Variants in UVSSA observed in about 807,000 individuals in gnomAD.
The protein encoded by UVSSA is UV-stimulated scaffold protein A.
A neutral mutation model predicts 73.9 loss-of-function variants in UVSSA; 72 were observed. The observed-to-expected ratio is 0.97, with a 90% CI of 0.81 to 1.19. UVSSA has a LOEUF of 1.19. Among genes scored for constraint, UVSSA ranks in the 50% most tolerant of loss-of-function variants. UVSSA has a pLI of 0.00. For synonymous variants in UVSSA, 454 were observed against 391.3 expected, an observed-to-expected ratio of 1.16 and a Z score of -1.89; for missense variants, 1,150 against 965.0, an observed-to-expected ratio of 1.19 and a Z score of -2.54.
chr4:1,377,668 C>T (rs1183783080), intron 10 of UVSSA, among the ~76,000 whole-genome samples: 1 of 151,976 alleles, frequency 6.6e-6, no homozygotes, highest in East Asian at 1.9e-4. Flanking sequence ...AGCCCCCAGG[C>T]AGTTGGGCTG....
In UVSSA at chr4:1,385,952, A is replaced by C. The variant is rs145552493; in HGVS notation, c.2121A>C (p.Ala707=). 1.1e-4 allele frequency: 177 copies of C among 1,613,904 alleles called. No individual in the cohort carries two copies. Among genetic ancestry groups the C allele is most frequent in the Admixed American group, 4.2e-4 (25 of 60,008 alleles). Residue 707 remains alanine (A), a synonymous_variant, in exon 14 of 14, where the codon GCA becomes GCC. Transcript: ENST00000389851. ...AGTTTTCAAACCAGTTTAACTACGC[A>C]CTGAACTAGAGAGCGGGGCCCAGTG... is the stretch of plus-strand genomic sequence containing the variant. ...HEKFSNQFNY[A]LN
At chr4:1,355,373 C>T (rs1715561516) in intron 7 of UVSSA, 128 bp downstream of exon 7, 2 of 917,290 alleles carry the variant, frequency 2.2e-6, no homozygotes, top group Non-Finnish European at 1.6e-6. Flanking sequence ...CCCACTCAGC[C>T]TCAGCAGGAC....
chr4:1,391,279 A>T (rs1413630193), downstream of UVSSA: 1 of 151,374 alleles, frequency 6.6e-6, no homozygotes, highest in Non-Finnish European at 1.5e-5. Flanking sequence ...GTTGGTTTGT[A>T]GTGTTGTATA....
At position 1,386,111 on chromosome 4, in the gene UVSSA, T is replaced by C; in HGVS notation, c.*150T>C. The stretch of plus-strand genomic sequence containing the variant: ...ATGGTGTGTTGCAATGCCCTGAAGG[T>C]ACGGCCGCTCTGCTGCTACAGGGTT... On this transcript the variant is annotated 3_prime_UTR_variant, in exon 14 of 14. Transcript: ENST00000389851. 1.2e-6 allele frequency: 1 copy of C among 823,296 alleles called. No homozygotes were observed. The highest frequency in any genetic ancestry group is 1.7e-5 in the South Asian group (1 of 60,562). The allele number at this position is 823,296 out of a possible 1,614,324, so 51.0% of individuals were successfully genotyped here.
chr4:1,372,047 A>G (rs541440917), intron 8 of UVSSA, among the ~76,000 whole-genome samples: 4 of 152,280 alleles, frequency 2.6e-5, no homozygotes, highest in African/African-American at 7.2e-5. Flanking sequence ...CTTGTTTATT[A>G]CACCTTCAAG....
At chr4:1,390,912 T>G (rs11726611), downstream of UVSSA, 16,946 of 150,204 alleles carry the variant, frequency 0.11, 1,125 homozygotes, top group African/African-American at 0.17. Flanking sequence ...AGATGCCTGT[T>G]GGGTCTGATT....
At chr4:1,354,263 A>G (rs377396622) in intron 5 of UVSSA, among the ~76,000 whole-genome samples, 1 of 151,658 alleles carries the variant, frequency 6.6e-6, no homozygotes, top group South Asian at 2.1e-4. Context: ...TGCGCCGGAC[A>G]CTGAGGGTGC....
At chr4:1,364,204 C>T (rs1234449922) in intron 7 of UVSSA, among the ~76,000 whole-genome samples, 1 of 47,338 alleles carries the variant, frequency 2.1e-5, no homozygotes, top group East Asian at 4.8e-4. Flanking sequence ...TGGGGGCCAC[C>T]TCCCGGCAGG....
intron 7 of UVSSA, chr4:1,366,047 G>A (rs1027444301): frequency 4.1e-5 from 11 of 269,742 alleles, no homozygotes; most frequent in Non-Finnish European, 7.7e-5. Context: ...CTCCCACAGG[G>A]ACCTGGGGAG....
exon 14 of UVSSA, chr4:1,394,714 C>T: frequency 2.5e-6 from 4 of 1,599,670 alleles, no homozygotes; most frequent in Non-Finnish European, 3.4e-6. Context: ...CCTGCTCACA[C>T]ACGTGTCCAT....
At position 1,349,833 on chromosome 4, in the gene UVSSA, C is replaced by T. The variant is rs372688958; in HGVS notation, c.408C>T (p.His136=). Residue 136 remains histidine (H), a synonymous_variant, in exon 3 of 14, where the codon CAC becomes CAT. Transcript: ENST00000389851. ...ACAAGAAGCTTGCCTTGGGCTACCA[C>T]TTCTTAAGACACAACAAAAAGGTAG... ...EAYKKLALGY[H]FLRHNKKVDF... The T allele has an allele frequency of 7.7e-6, 12 of 1,556,298 alleles. No individual in the cohort carries two copies. The highest frequency in any genetic ancestry group is 6.9e-5 in the African/African-American group (5 of 72,254).
intron 7 of UVSSA, chr4:1,366,013 C>T (rs1461104538): frequency 4.1e-5 from 9 of 220,900 alleles, no homozygotes; most frequent in East Asian, 1.1e-4. Flanking sequence ...ACCGGTGTGA[C>T]GCCATTCCAC....
chr4:1,391,457 T>G (rs1357498907), downstream of UVSSA: 2 of 152,274 alleles, frequency 1.3e-5, no homozygotes, highest in Non-Finnish European at 2.9e-5. Context: ...AGCTTTTGTT[T>G]CATAAATTTT....
At chr4:1,353,674 A>T (rs1715171327) in intron 5 of UVSSA, among the ~76,000 whole-genome samples, 1 of 152,164 alleles carries the variant, frequency 6.6e-6, no homozygotes, top group African/African-American at 2.4e-5. Flanking sequence ...GGGCAGAGTA[A>T]GGACCCACAG....
rs146112543 is a variant in UVSSA, at chr4:1,383,860, G to A, written c.1956G>A (p.Lys652=). ...SRYSGKGRGK[K]RRYPSLTNLK... is the part of the protein sequence containing the mutation. Reference sequence around the variant, plus strand: ...ACAGCGGGAAAGGCAGGGGGAAGAAGAGGAGGTACCCCAGCCTCACCAACC... The same window carrying A: ...ACAGCGGGAAAGGCAGGGGGAAGAAAAGGAGGTACCCCAGCCTCACCAACC... The change falls in exon 13 of 14, where the codon AAG becomes AAA. Residue 652 remains lysine, a synonymous_variant. Coordinates refer to ENST00000389851, the MANE Select transcript of UVSSA (RefSeq NM_020894.4). The A allele has an allele frequency of 1.2e-5, 20 of 1,613,412 alleles. No individual in the cohort carries two copies. The African/African-American group carries it at 2.1e-4, about 17-fold the overall frequency.
At chr4:1,356,478 G>C (rs750452990) in intron 7 of UVSSA, 3 of 152,264 alleles carry the variant, frequency 2.0e-5, no homozygotes, top group Non-Finnish European at 4.4e-5. Context: ...CTCGCCGCTG[G>C]TGTGTGGCCG....
exon 14 of UVSSA, chr4:1,394,122 A>G (rs1720467309): frequency 5.7e-6 from 2 of 352,106 alleles, no homozygotes; most frequent in Non-Finnish European, 1.1e-5. Context: ...CCACAAAGCC[A>G]GCCAGAGGTG....
intron 3 of UVSSA, 90 bp from the exon 4 acceptor site, chr4:1,351,625 G>C: frequency 7.2e-7 from 1 of 1,388,836 alleles, no homozygotes; most frequent in Non-Finnish European, 9.9e-7. Flanking sequence ...TCCTGACCTC[G>C]TGATCTGCCT....
chr4:1,348,996 G>A (rs1410168611), intron 2 of UVSSA, among the ~76,000 whole-genome samples: 1 of 150,236 alleles, frequency 6.7e-6, no homozygotes, highest in Admixed American at 6.6e-5. Flanking sequence ...GTGCCGGGCG[G>A]TGTGCGTTGT....
Sources: gnomAD v4.1 joint callset for allele counts (sites outside exome capture counted in the v4.1 genomes callset) on GRCh38, gnomAD v4.1.1 for gene constraint, MANE v1.5 for transcripts, NCBI Gene and HGNC (gene_info 2026-07-23, HGNC 2026-07-21) for gene names.